ARID2: variants seen among roughly 807,000 people sequenced by gnomAD.
ARID2 encodes AT-rich interactive domain-containing protein 2.
Under a neutral mutation model 184.6 loss-of-function variants are expected in ARID2, and 32 were observed. The observed-to-expected ratio is 0.17, with a 90% CI of 0.13 to 0.23. The LOEUF is 0.23. Among genes scored for constraint, ARID2 ranks in the 10% least tolerant of loss-of-function variants. ARID2 has a pLI of 1.00. For synonymous variants in ARID2, 836 were observed against 772.6 expected, an observed-to-expected ratio of 1.08 and a Z score of -1.36; for missense variants, 1,696 against 2,197.6, an observed-to-expected ratio of 0.77 and a Z score of 4.56.
intron 15 of ARID2, among the ~76,000 whole-genome samples, chr12:45,856,995 A>G (rs765372686): frequency 4.6e-5 from 7 of 152,184 alleles, no homozygotes; most frequent in Non-Finnish European, 8.8e-5. Flanking sequence ...GCTAAATGGC[A>G]TACTAAAAAT....
intron 3 of ARID2, among the ~76,000 whole-genome samples, chr12:45,791,421 A>C (rs1410323101): frequency 6.6e-6 from 1 of 152,216 alleles, no homozygotes; most frequent in Non-Finnish European, 1.5e-5. Flanking sequence ...ACTTTTTCAT[A>C]AAGTTTTATC....
intron 16 of ARID2, among the ~76,000 whole-genome samples, chr12:45,885,048 C>T (rs531161678): frequency 2.0e-5 from 3 of 151,498 alleles, no homozygotes; most frequent in African/African-American, 7.3e-5. Context: ...AAATTAATTT[C>T]TCTTTAATAG....
At chr12:45,732,218 T>G (rs1457739072) in intron 3 of ARID2, among the ~76,000 whole-genome samples, 1 of 152,226 alleles carries the variant, frequency 6.6e-6, no homozygotes, top group African/African-American at 2.4e-5. Context: ...TCTTTGTATT[T>G]ATTGCTTTTT....
chr12:45,813,446 G>A (rs1343915422), intron 4 of ARID2, among the ~76,000 whole-genome samples: 1 of 136,428 alleles, frequency 7.3e-6, no homozygotes, highest in Non-Finnish European at 1.5e-5. Flanking sequence ...GTGTGTGTGC[G>A]TGCATGTGTT....
Position 45,899,432 on chromosome 12 carries a change from A to G in ARID2, c.5364-5502A>G, listed in dbSNP as rs144391885. 5.2e-3 allele frequency among the ~76,000 whole-genome samples: 768 copies of G among 146,880 alleles called. 2 individuals are homozygous for G. Among genetic ancestry groups the G allele is most frequent in the Non-Finnish European group, 7.4e-3 (494 of 66,878 alleles). On this transcript the variant is annotated intron_variant, in intron 20 of 20. Coordinates refer to ENST00000334344, the MANE Select transcript of ARID2 (RefSeq NM_152641.4). Reference sequence around the variant, plus strand: ...ATCCTGGCTAACACAGTGAAACCCCATCTCTAGTAAAATATACAAAAAAAT... The same window carrying G: ...ATCCTGGCTAACACAGTGAAACCCCGTCTCTAGTAAAATATACAAAAAAAT...
chr12:45,832,811 T>C (rs1251666979), intron 6 of ARID2, among the ~76,000 whole-genome samples: 2 of 152,218 alleles, frequency 1.3e-5, no homozygotes, highest in African/African-American at 4.8e-5. Context: ...GCAACAACTA[T>C]TTACTTCACG....
chr12:45,849,690 A>G lies in ARID2; in HGVS notation c.1826A>G (p.Gln609Arg). ...CGGAGGGCTATACCACTTCCCATTC[A>G]GATGTACTATCAGCAGCAACCAGTT... Reference protein sequence around the residue: ...VKRRAIPLPIQMYYQQQPVST... With the variant: ...VKRRAIPLPIRMYYQQQPVST... Residue 609 changes from glutamine (Q) to arginine (R), a missense_variant, in exon 14 of 21, where the codon CAG becomes CGG. By Grantham distance (43) the Gln-to-Arg change is conservative. Around this residue, in one of 11 missense-constraint regions of ARID2, gnomAD observed 713 missense variants for 824.4 expected, o/e 0.86. Coordinates refer to ENST00000334344, the MANE Select transcript of ARID2 (RefSeq NM_152641.4). The G allele has an allele frequency of 6.2e-7, 1 of 1,613,958 alleles. No homozygotes were observed. The highest frequency in any genetic ancestry group is 1.1e-5 in the South Asian group (1 of 91,076).
chr12:45,806,593 A>T (rs1020249947), intron 3 of ARID2, among the ~76,000 whole-genome samples: 7 of 152,144 alleles, frequency 4.6e-5, no homozygotes, highest in African/African-American at 1.4e-4. Flanking sequence ...TCTCAGGCTT[A>T]CTTTGTACAT....
intron 6 of ARID2, among the ~76,000 whole-genome samples, chr12:45,830,303 C>T (rs1398463366): frequency 2.6e-5 from 4 of 152,032 alleles, no homozygotes; most frequent in African/African-American, 9.7e-5. Flanking sequence ...AATTGCCAAT[C>T]ATCTACAGAG....
In ARID2 at chr12:45,811,547, G is replaced by A. The variant is rs1450833374; in HGVS notation, c.414G>A (p.Val138=). The A allele has an allele frequency of 1.3e-5, 21 of 1,612,084 alleles. No individual in the cohort carries two copies. Among genetic ancestry groups the A allele is most frequent in the East Asian group, 4.5e-5 (2 of 44,840 alleles). ...CCTACAATTACCAGCAACACAGTGTGTCGGGTAAATATCACTGCAAATTAA... is the reference window on the plus strand; with the variant it reads ...CCTACAATTACCAGCAACACAGTGTATCGGGTAAATATCACTGCAAATTAA... The part of the protein sequence containing the change: ...PSSYNYQQHS[V]SDYLRQSYGL... Residue 138 remains valine (V), a synonymous_variant, in exon 4 of 21, where the codon GTG becomes GTA. Transcript: ENST00000334344.
At chr12:45,744,935 C>T (rs1218933353) in intron 3 of ARID2, among the ~76,000 whole-genome samples, 1 of 152,140 alleles carries the variant, frequency 6.6e-6, no homozygotes, top group Non-Finnish European at 1.5e-5. Flanking sequence ...AACATCCCTC[C>T]TTCTTTGGCC....
chr12:45,748,233 A>G (rs1941395461), intron 3 of ARID2, among the ~76,000 whole-genome samples: 1 of 151,952 alleles, frequency 6.6e-6, no homozygotes, highest in Non-Finnish European at 1.5e-5. Flanking sequence ...ACAAAAGAAA[A>G]TGTTTTAAGT....
chr12:45,817,646 T>C, intron 4 of ARID2, 24 bp from the exon 5 acceptor site: 1 of 1,576,956 alleles, frequency 6.3e-7, no homozygotes, highest in Non-Finnish European at 8.6e-7. Context: ...TTGATATACT[T>C]AAGGTATTTT....
rs144541241 is a variant in ARID2, at chr12:45,852,493, A to G, written c.4370A>G (p.Asn1457Ser). 1 of 1,614,058 alleles carries G rather than the reference A, an allele frequency of 6.2e-7. No individual in the cohort carries two copies. Among genetic ancestry groups the G allele is most frequent in the African/African-American group, 1.3e-5 (1 of 74,920 alleles). ...AATGGACCTCTAGCTTCAAGTTTGA[A>G]TTCAGATGTGCCTCAGCAACGCCCA... is the stretch of plus-strand genomic sequence containing the variant. ...LLNGPLASSLNSDVPQQRPSV... is the reference protein window; with the variant it reads ...LLNGPLASSLSSDVPQQRPSV... The change falls in exon 15 of 21, where the codon AAT (asparagine) becomes AGT (serine). Residue 1457 changes from asparagine (N) to serine (S), a missense_variant. Asn to Ser is a conservative substitution (Grantham distance 46). Coordinates refer to ENST00000334344, the MANE Select transcript of ARID2 (RefSeq NM_152641.4).
chr12:45,742,692 G>A (rs1941286487), intron 3 of ARID2, among the ~76,000 whole-genome samples: 1 of 152,010 alleles, frequency 6.6e-6, no homozygotes, highest in South Asian at 2.1e-4. Flanking sequence ...CTACATAATG[G>A]CACTTAGATT....
chr12:45,731,408 A>C, intron 3 of ARID2, 94 bp downstream of exon 3: 1 of 805,262 alleles, frequency 1.2e-6, no homozygotes. Context: ...TTGCACACCA[A>C]ACAGTTCTTA....
chr12:45,827,117 T>A (rs1943017118), intron 6 of ARID2, among the ~76,000 whole-genome samples: 2 of 151,946 alleles, frequency 1.3e-5, no homozygotes, highest in African/African-American at 4.8e-5. Context: ...ACGTTTTTTC[T>A]TAAGTTAACT....
rs2138180593 is a variant in ARID2 at position 45,852,685 on chromosome 12, A to T, written c.4562A>T (p.Asp1521Val). ...ECKTVKRPAE[D>V]TDRETVAGIP... ...AAAACTGTAAAGAGGCCAGCAGAGG[A>T]TACTGATAGGGAAACAGTCGCAGGA... is the stretch of plus-strand genomic sequence containing the variant. Residue 1521 changes from aspartate to valine, a missense_variant, in exon 15 of 21, where the codon GAT becomes GTT. Physicochemically the swap from Asp to Val is radical, Grantham distance 152. Transcript: ENST00000334344. 1 of 1,614,176 alleles carries T rather than the reference A, an allele frequency of 6.2e-7. No individual in the cohort carries two copies.
Position 45,852,316 on chromosome 12 carries a change from C to T in ARID2, c.4193C>T (p.Thr1398Ile), listed in dbSNP as rs755626808. ...ATATCTCCAATGGAACCACAAGGGA[C>T]TTTAGATATCACTCAGCAAGATACT... ...GEISPMEPQG[T>I]LDITQQDTAK... The change falls in exon 15 of 21, where the codon ACT (threonine) becomes ATT (isoleucine). Residue 1398 changes from threonine (T) to isoleucine (I), a missense_variant. By Grantham distance (89) the Thr-to-Ile change is moderately conservative. Around this residue, in one of 11 missense-constraint regions of ARID2, gnomAD observed 428 missense variants for 409.1 expected, o/e 1.05. Coordinates refer to ENST00000334344, the MANE Select transcript of ARID2 (RefSeq NM_152641.4). 3 of 1,614,114 alleles carry T rather than the reference C, an allele frequency of 1.9e-6. No homozygotes were observed. In the South Asian group the frequency reaches 3.3e-5, roughly 18 times the overall value.
Sources: allele counts gnomAD v4.1 joint callset (sites outside exome capture counted in the v4.1 genomes callset), GRCh38; gene constraint gnomAD v4.1.1; regional missense constraint gnomAD v4.1.1; transcripts MANE v1.5; gene names NCBI Gene and HGNC (gene_info 2026-07-23, HGNC 2026-07-21).